Variants in SNX13 observed in about 807,000 individuals in gnomAD.
SNX13 encodes sorting nexin 13.
Under a neutral mutation model 133.6 loss-of-function variants are expected in SNX13, and 45 were observed. That is an observed-to-expected ratio of 0.34 (90% CI 0.27 to 0.43). The LOEUF is 0.43. Ranked by LOEUF, SNX13 falls within the 20% of genes least tolerant of loss-of-function variation. The probability of loss-of-function intolerance (pLI) is 1.00; values close to 1 mark genes in which losing one functional copy is unlikely to be tolerated. For missense variants in SNX13, 1,032 were observed against 1,145.1 expected (o/e 0.90, Z 1.43); for synonymous variants, 414 against 373.9 (o/e 1.11, Z -1.24).
chr7:17,894,478 C>T (rs992654720), intron 2 of SNX13, among the ~76,000 whole-genome samples: 5 of 151,262 alleles, frequency 3.3e-5, no homozygotes, highest in Non-Finnish European at 5.9e-5. Flanking sequence ...TACATAAAGG[C>T]TATTTAGGGA....
intron 21 of SNX13, 47 bp from the exon 22 acceptor site, chr7:17,801,706 G>A: frequency 7.2e-7 from 1 of 1,395,682 alleles, no homozygotes; most frequent in Non-Finnish European, 1.0e-6. Context: ...AAAGCAGACA[G>A]TGAAAGAACA....
chr7:17,819,892 AACAC>A (rs61318514), intron 18 of SNX13, among the ~76,000 whole-genome samples: 26 of 149,948 alleles, frequency 1.7e-4, no homozygotes, highest in East Asian at 5.9e-4. Context: ...CTTTATAAGA[AACAC>A]ACACACACAC....
intron 9 of SNX13, among the ~76,000 whole-genome samples, chr7:17,851,840 G>A (rs760211568): frequency 1.3e-5 from 2 of 152,112 alleles, no homozygotes; most frequent in Non-Finnish European, 2.9e-5. Flanking sequence ...ATGGACAAGA[G>A]TTCAGAAAGG....
At chr7:17,794,328 A>C in intron 25 of SNX13, 36 bp from the exon 26 acceptor site, 1 of 1,584,198 alleles carries the variant, frequency 6.3e-7, no homozygotes, top group African/African-American at 1.4e-5. Flanking sequence ...ATAATTATTC[A>C]AAGGAAACAC....
chr7:17,830,129 A>G, intron 15 of SNX13, 82 bp from the exon 16 acceptor site: 1 of 1,270,512 alleles, frequency 7.9e-7, no homozygotes, highest in Non-Finnish European at 1.0e-6. Context: ...ACTAAGAATG[A>G]AAGTCACATA....
At chr7:17,888,290 T>C (rs1466551387) in intron 5 of SNX13, 1 of 152,630 alleles carries the variant, frequency 6.6e-6, no homozygotes, top group East Asian at 1.9e-4. Flanking sequence ...TAAATTTAGA[T>C]CAGTGTAGGA....
chr7:17,819,019 G>A (rs1276850215), intron 18 of SNX13, among the ~76,000 whole-genome samples: 1 of 152,128 alleles, frequency 6.6e-6, no homozygotes, highest in Non-Finnish European at 1.5e-5. Flanking sequence ...AGTCTGTCTT[G>A]TTCTCTCATA....
chr7:17,937,769 A>C (rs868014591), intron 1 of SNX13, among the ~76,000 whole-genome samples: 1 of 152,220 alleles, frequency 6.6e-6, no homozygotes, highest in Non-Finnish European at 1.5e-5. Context: ...TCCATTCTTT[A>C]TACAACTCTA....
intron 20 of SNX13, among the ~76,000 whole-genome samples, chr7:17,811,139 G>A (rs886924480): frequency 6.6e-6 from 1 of 152,152 alleles, no homozygotes; most frequent in East Asian, 1.9e-4. Flanking sequence ...GTATTGGAAG[G>A]ATGTCTGGCC....
chr7:17,865,869 C>T (rs1793337040), intron 9 of SNX13, among the ~76,000 whole-genome samples: 1 of 152,030 alleles, frequency 6.6e-6, no homozygotes, highest in African/African-American at 2.4e-5. Flanking sequence ...TACAAATGTG[C>T]CAAAAATACA....
intron 15 of SNX13, among the ~76,000 whole-genome samples, chr7:17,833,676 A>G (rs1187411681): frequency 6.6e-6 from 1 of 151,704 alleles, no homozygotes; most frequent in Non-Finnish European, 1.5e-5. Context: ...AATGCTTTAT[A>G]GTTTATGATA....
chr7:17,884,768 G>C (rs1795789427), intron 5 of SNX13, among the ~76,000 whole-genome samples: 1 of 152,172 alleles, frequency 6.6e-6, no homozygotes, highest in Non-Finnish European at 1.5e-5. Flanking sequence ...CACATGAAAA[G>C]ATGCTCGATA....
chr7:17,834,207 T>G (rs778663076), intron 14 of SNX13, 23 bp from the exon 15 acceptor site: 5 of 1,539,646 alleles, frequency 3.2e-6, no homozygotes, highest in Non-Finnish European at 8.8e-7. Context: ...AATCAAGATA[T>G]TCAACAATTA....
intron 5 of SNX13, among the ~76,000 whole-genome samples, chr7:17,878,918 T>A (rs1795032513): frequency 6.6e-6 from 1 of 152,142 alleles, no homozygotes; most frequent in Non-Finnish European, 1.5e-5. Context: ...TTGCTTGGCA[T>A]TGCCTACTCT....
intron 11 of SNX13, among the ~76,000 whole-genome samples, chr7:17,846,762 C>G (rs890727884): frequency 2.6e-5 from 4 of 152,050 alleles, no homozygotes. Flanking sequence ...TGGTAGAGAG[C>G]AATCTAGAGG....
chr7:17,815,007 A>G (rs1786501820), intron 19 of SNX13, 63 bp from the exon 20 acceptor site: 8 of 1,336,318 alleles, frequency 6.0e-6, no homozygotes, highest in Non-Finnish European at 7.7e-6. Context: ...AGAAATTACC[A>G]TTGTTTATAA....
chr7:17,838,070 A>T (rs912991735), intron 13 of SNX13, among the ~76,000 whole-genome samples: 3 of 151,962 alleles, frequency 2.0e-5, no homozygotes, highest in African/African-American at 7.2e-5. Flanking sequence ...AGTATTTCAA[A>T]TTAGAGAAAA....
At chr7:17,896,822 A>T (rs1262217927) in intron 2 of SNX13, among the ~76,000 whole-genome samples, 2 of 152,128 alleles carry the variant, frequency 1.3e-5, no homozygotes, top group Non-Finnish European at 2.9e-5. Flanking sequence ...TATCAACTTA[A>T]GGGAAAACAT....
chr7:17,917,176 G>C (rs1363195010), intron 1 of SNX13, among the ~76,000 whole-genome samples: 1 of 152,036 alleles, frequency 6.6e-6, no homozygotes, highest in Non-Finnish European at 1.5e-5. Flanking sequence ...AAAATAGTAA[G>C]AGCCATCTAT....
Sources: gnomAD v4.1 joint callset for allele counts (sites outside exome capture counted in the v4.1 genomes callset) on GRCh38, gnomAD v4.1.1 for gene constraint, MANE v1.5 for transcripts, NCBI Gene and HGNC (gene_info 2026-07-23, HGNC 2026-07-21) for gene names.